PDLIM7: variants seen among roughly 807,000 people sequenced by gnomAD.
PDLIM7 encodes the protein PDZ and LIM domain protein 7.
In PDLIM7, 37 loss-of-function variants were observed where a neutral mutation model predicts 53.9. The observed-to-expected ratio is 0.69, with a 90% CI of 0.53 to 0.90. PDLIM7 has a LOEUF of 0.90. Among genes scored for constraint, PDLIM7 ranks in the 40% least tolerant of loss-of-function variants. PDLIM7 has a pLI of 0.00. For missense variants in PDLIM7, 617 were observed against 638.5 expected, an observed-to-expected ratio of 0.97 and a Z score of 0.36; for synonymous variants, 300 against 261.3, an observed-to-expected ratio of 1.15 and a Z score of -1.43.
At chr5:177,487,388 T>TC (rs1758518658) in intron 10 of PDLIM7, among the ~76,000 whole-genome samples, 1 of 152,260 alleles carries the variant, frequency 6.6e-6, no homozygotes, top group African/African-American at 2.4e-5. Flanking sequence ...GGTGGCAGCA[T>TC]CCTCTAAGGA....
chr5:177,491,664 C>A (rs1052617248), intron 5 of PDLIM7, 143 bp downstream of exon 5: 121 of 604,868 alleles, frequency 2.0e-4, no homozygotes, highest in African/African-American at 1.3e-3. Flanking sequence ...CCTGTGCCTG[C>A]AGCCCCACCC....
intron 10 of PDLIM7, among the ~76,000 whole-genome samples, chr5:177,485,691 T>C (rs1306044299): frequency 1.3e-5 from 2 of 152,122 alleles, no homozygotes; most frequent in African/African-American, 4.8e-5. Context: ...ATCTAGGTGT[T>C]AAAGAGAAAT....
rs1758286168 is a variant in PDLIM7 at position 177,483,455 on chromosome 5, C to CG, written c.*188dup. On this transcript the variant is annotated 3_prime_UTR_variant, in exon 13 of 13. Transcript: ENST00000355841. ...GAAAGGGGGCTGGTGTGGCCAGCAC[C>CG]GGTGTGCTGTGGTGGTGGAGGGAGT... 1 of 554,044 alleles carries CG rather than the reference C, an allele frequency of 1.8e-6. No homozygotes were observed. The allele number at this position is 554,044 out of a possible 1,614,324, so 34.3% of individuals were successfully genotyped here. A position where few individuals can be genotyped will look rare whatever the true frequency, so the allele number is the denominator to read the frequency against.
chr5:177,494,656 A>G (rs530535701), intron 2 of PDLIM7, among the ~76,000 whole-genome samples: 41 of 151,822 alleles, frequency 2.7e-4, no homozygotes, highest in Non-Finnish European at 5.0e-4. Flanking sequence ...GCAGCAGGAG[A>G]GCAGAAGACA....
intron 5 of PDLIM7, chr5:177,491,446 CAG>C (rs1758777648): frequency 6.5e-7 from 1 of 1,532,902 alleles, no homozygotes; most frequent in East Asian, 2.4e-5. Context: ...GACAGACAGA[CAG>C]ATAAAGGGAC....
chr5:177,484,272 G>A (rs1020547794), intron 10 of PDLIM7, 82 bp from the exon 11 acceptor site: 23 of 1,545,406 alleles, frequency 1.5e-5, no homozygotes, highest in Admixed American at 5.2e-5. Context: ...AGGGCTGGCC[G>A]CAAGCCCTGT....
chr5:177,492,023 G>GGCCCC, intron 4 of PDLIM7, 98 bp from the exon 5 acceptor site: 3 of 514,346 alleles, frequency 5.8e-6, no homozygotes, highest in Non-Finnish European at 6.4e-6. Flanking sequence ...GGCAGCTCCA[G>GGCCCC]CCCCCCACCC....
chr5:177,496,447 C>G lies in PDLIM7; in HGVS notation c.66G>C (p.Lys22Asn). 1 of 1,603,730 alleles carries G rather than the reference C, an allele frequency of 6.2e-7. No homozygotes were observed. The highest frequency in any genetic ancestry group is 8.5e-7 in the Non-Finnish European group (1 of 1,174,974). Reference protein sequence around the residue: ...APWGFRLQGGKDFNVPLSISR... With the variant: ...APWGFRLQGGNDFNVPLSISR... ...AAATGGAGAGGGGCACATTGAAGTC[C>G]TTGCCCCCTTGCAGCCGGAAGCCCC... The change falls in exon 2 of 13, where the codon AAG (lysine) becomes AAC (asparagine). Residue 22 changes from lysine (K) to asparagine (N), a missense_variant. Transcript: ENST00000355841.
intron 2 of PDLIM7, chr5:177,495,149 G>A (rs566933135): frequency 7.2e-5 from 11 of 152,434 alleles, no homozygotes; most frequent in Non-Finnish European, 1.6e-4. Flanking sequence ...GTAGGTTTCA[G>A]GGCTGTGTGA....
rs1758814131 is a variant in PDLIM7, at chr5:177,491,928, G to A, written c.280-3C>T. 12 of 1,244,362 alleles carry A rather than the reference G, an allele frequency of 9.6e-6. No homozygotes were observed. The highest frequency in any genetic ancestry group is 1.1e-5 in the Non-Finnish European group (11 of 972,600). 77.1% of individuals were successfully genotyped at this position (1,244,362 alleles called of 1,614,324 possible). On this transcript the variant is annotated splice_polypyrimidine_tract_variant and splice_region_variant and intron_variant, in intron 4 of 12. Transcript: ENST00000355841. ...GGGTCCGCGGCGGGGGCGGAGGCCTGGGCAGAGACACAGCCGGGCAGGGCG... is the reference window on the plus strand; with the variant it reads ...GGGTCCGCGGCGGGGGCGGAGGCCTAGGCAGAGACACAGCCGGGCAGGGCG...
chr5:177,491,207 C>G lies in PDLIM7; in HGVS notation c.399-61G>C, dbSNP rs1758763538. ...GGGTGGGCGGTGGGGGCAGCCCCTC[C>G]CAGGATTTGGTGCATGTGGGTTTGG... is the stretch of plus-strand genomic sequence containing the variant. On this transcript the variant is annotated intron_variant, in intron 5 of 12. Transcript: ENST00000355841. 3 of 1,543,560 alleles carry G rather than the reference C, an allele frequency of 1.9e-6. No homozygotes were observed. In the East Asian group the frequency reaches 6.9e-5, roughly 35 times the overall value.
chr5:177,489,154 T>C (rs765730065), intron 9 of PDLIM7, among the ~76,000 whole-genome samples: 1 of 152,216 alleles, frequency 6.6e-6, no homozygotes, highest in Non-Finnish European at 1.5e-5. Flanking sequence ...CTTCAGCCTA[T>C]GGTTGGCCCT....
chr5:177,487,347 T>C (rs1407832435), intron 10 of PDLIM7, among the ~76,000 whole-genome samples: 1 of 152,212 alleles, frequency 6.6e-6, no homozygotes, highest in East Asian at 1.9e-4. Context: ...TGTGACTGGG[T>C]TCTGACCAAC....
chr5:177,490,546 C>G, intron 7 of PDLIM7: 1 of 1,565,756 alleles, frequency 6.4e-7, no homozygotes, highest in Non-Finnish European at 8.7e-7. Context: ...GTGCCAGTCC[C>G]GGAGGCGGGT....
chr5:177,492,754 C>G lies in PDLIM7; in HGVS notation c.97-77G>C, dbSNP rs1397771671. On this transcript the variant is annotated intron_variant, in intron 2 of 12. Transcript: ENST00000355841. ...CCAGGCTGACGGTGGTAACACTGCC[C>G]CACCCAAAGCTGTCCCACTTCCAGA... The G allele has an allele frequency of 8.8e-6, 13 of 1,478,222 alleles. No homozygotes were observed. The African/African-American group carries it at 1.5e-4, about 17-fold the overall frequency. The allele number at this position is 1,478,222 out of a possible 1,614,324, so 91.6% of individuals were successfully genotyped here. A position where few individuals can be genotyped will look rare whatever the true frequency, so the allele number is the denominator to read the frequency against.
chr5:177,484,069 C>A lies in PDLIM7; in HGVS notation c.1171+1G>T, dbSNP rs1457030562. ...CCTCACCCTCACTGGCCAGTGGGTA[C>A]CTCGCTCGCAATAGGGCACGCCCTC... On this transcript the variant is annotated splice_donor_variant, in intron 11 of 12. Transcript: ENST00000355841. LOFTEE classifies it high-confidence loss of function. 2 of 1,613,990 alleles carry A rather than the reference C, an allele frequency of 1.2e-6. No individual in the cohort carries two copies.
chr5:177,490,759 A>G lies in PDLIM7; in HGVS notation c.572+111T>C, dbSNP rs746773764. The G allele has an allele frequency of 1.6e-3, 776 of 486,342 alleles. 10 individuals are homozygous for G. The highest frequency in any genetic ancestry group is 2.4e-3 in the South Asian group (106 of 43,826). The allele number at this position is 486,342 out of a possible 1,614,324, so 30.1% of individuals were successfully genotyped here. ...GAAGGAAGGAAGGAAGGAAGGAAGG[A>G]AGGAAGGGAGAATTGAGAGCCCCAG... On this transcript the variant is annotated intron_variant, in intron 7 of 12. Coordinates refer to ENST00000355841, the MANE Select transcript of PDLIM7 (RefSeq NM_005451.5).
intron 7 of PDLIM7, chr5:177,490,225 A>T: frequency 6.9e-7 from 1 of 1,448,244 alleles, no homozygotes; most frequent in Non-Finnish European, 9.1e-7. Context: ...GTCCACAAAG[A>T]TAGAAGACAG....
chr5:177,495,010 A>G (rs1426578479), intron 2 of PDLIM7: 1 of 152,350 alleles, frequency 6.6e-6, no homozygotes, highest in East Asian at 1.9e-4. Context: ...AGGGATGCTG[A>G]CCAGGGAGCT....
Sources: allele counts gnomAD v4.1 joint callset (sites outside exome capture counted in the v4.1 genomes callset), GRCh38; gene constraint gnomAD v4.1.1; transcripts MANE v1.5; gene names NCBI Gene and HGNC (gene_info 2026-07-23, HGNC 2026-07-21).